Variants in KSR1 observed in about 807,000 individuals in gnomAD.
KSR1 encodes kinase suppressor of ras.
In KSR1, 35 loss-of-function variants were observed where a neutral mutation model predicts 92.9. The ratio of observed to expected loss-of-function variants is 0.38; its 90% CI spans 0.29 to 0.50. The LOEUF (loss-of-function observed/expected upper bound fraction) is 0.50. Ranked by LOEUF, KSR1 falls within the 20% of genes least tolerant of loss-of-function variation. The pLI is 0.94. For missense variants in KSR1, 972 were observed against 1,158.5 expected (o/e 0.84, Z 2.34); for synonymous variants, 467 against 472.6 (o/e 0.99, Z 0.15).
intron 1 of KSR1, 71 bp from the exon 2 acceptor site, chr17:27,550,497 A>C: frequency 1.3e-6 from 1 of 748,920 alleles, no homozygotes; most frequent in South Asian, 1.4e-5. Flanking sequence ...GCTCCTCTGT[A>C]GTGTGCTTGG....
intron 1 of KSR1, among the ~76,000 whole-genome samples, chr17:27,521,929 T>G (rs1231936097): frequency 6.6e-6 from 1 of 152,206 alleles, no homozygotes. Context: ...CTTAGTTAGG[T>G]TTACTTTCTC....
intron 9 of KSR1, among the ~76,000 whole-genome samples, chr17:27,595,460 T>C (rs2073308041): frequency 6.6e-6 from 1 of 152,210 alleles, no homozygotes; most frequent in Non-Finnish European, 1.5e-5. Context: ...ATTTTTGTGG[T>C]TGAGGAAATG....
At chr17:27,562,289 T>G (rs2071864387) in intron 2 of KSR1, among the ~76,000 whole-genome samples, 1 of 152,248 alleles carries the variant, frequency 6.6e-6, no homozygotes, top group Non-Finnish European at 1.5e-5. Context: ...TGGTGGGTTT[T>G]CTTGTTGAAT....
intron 1 of KSR1, among the ~76,000 whole-genome samples, chr17:27,490,735 C>T (rs113034512): frequency 0.034 from 5,142 of 152,200 alleles, 275 homozygotes; most frequent in African/African-American, 0.12. Flanking sequence ...CTGTAAATTA[C>T]CATCATTATT....
At chr17:27,477,156 G>A (rs1270186870) in intron 1 of KSR1, among the ~76,000 whole-genome samples, 1 of 152,186 alleles carries the variant, frequency 6.6e-6, no homozygotes, top group Non-Finnish European at 1.5e-5. Context: ...GGTCACTCTT[G>A]TGGCCATTTT....
chr17:27,611,441 T>A lies in KSR1; in HGVS notation c.2358-53T>A, dbSNP rs114855090. On this transcript the variant is annotated intron_variant, in intron 17 of 20. Transcript: ENST00000644974. ...GGCTATGGCTCAAGGGCCCCTGGGC[T>A]TGAGCTGGGCACAGCGGCCCAGGAG... 40 of 1,611,474 alleles carry A rather than the reference T, an allele frequency of 2.5e-5. 1 individual carries two copies. The highest frequency in any genetic ancestry group is 3.2e-5 in the Non-Finnish European group (38 of 1,178,374).
intron 2 of KSR1, chr17:27,560,264 G>T: frequency 2.5e-6 from 1 of 399,258 alleles, no homozygotes; most frequent in South Asian, 1.9e-5. Context: ...CTGCTGGCAT[G>T]GAGCCATTTT....
chr17:27,505,573 T>C (rs2069350025), intron 1 of KSR1, among the ~76,000 whole-genome samples: 1 of 94,278 alleles, frequency 1.1e-5, no homozygotes, highest in African/African-American at 3.9e-5. Context: ...TCCCTGGCTG[T>C]GTGGTCTTGA....
At chr17:27,532,039 G>C (rs2008013) in intron 1 of KSR1, among the ~76,000 whole-genome samples, 62,439 of 152,032 alleles carry the variant, frequency 0.41, 13,507 homozygotes, top group African/African-American at 0.54. Flanking sequence ...CTTTGTGTGA[G>C]TTTGACTAAG....
At chr17:27,587,780 G>A (rs2073022783) in intron 5 of KSR1, 2 of 152,346 alleles carry the variant, frequency 1.3e-5, no homozygotes, top group Admixed American at 1.3e-4. Flanking sequence ...GCTGGGAGAG[G>A]GAACGTCCTC....
chr17:27,577,329 A>G lies in KSR1; in HGVS notation c.373-163A>G, dbSNP rs886593935. The stretch of plus-strand genomic sequence containing the variant: ...TCTGGGAGCCTGGAGGGTGGGGGCC[A>G]GGGAGCTCTGCTTGTGTCCCCAAGC... On this transcript the variant is annotated intron_variant, in intron 2 of 20. Coordinates refer to ENST00000644974, the MANE Select transcript of KSR1 (RefSeq NM_001394583.1). This position sits in a 1 kb window ranked among gnomAD's most constrained non-coding sequence, Gnocchi z 4.5. 1 of 578,676 alleles carries G rather than the reference A, an allele frequency of 1.7e-6. No homozygotes were observed. The highest frequency in any genetic ancestry group is 3.1e-5 in the East Asian group (1 of 32,658). The allele number at this position is 578,676 out of a possible 1,614,324, so 35.8% of individuals were successfully genotyped here. A position where few individuals can be genotyped will look rare whatever the true frequency, so the allele number is the denominator to read the frequency against.
At chr17:27,620,135 G>A (rs2074184327) in intron 19 of KSR1, among the ~76,000 whole-genome samples, 1 of 152,240 alleles carries the variant, frequency 6.6e-6, no homozygotes, top group Non-Finnish European at 1.5e-5. Context: ...GTAGAGGGAT[G>A]GTCTGGAGGA....
chr17:27,585,980 G>A lies in KSR1; in HGVS notation c.985+319G>A, dbSNP rs1406311184. 3 of 394,994 alleles carry A rather than the reference G, an allele frequency of 7.6e-6. No homozygotes were observed. The East Asian group carries it at 1.4e-4, about 18-fold the overall frequency. 24.5% of individuals were successfully genotyped at this position (394,994 alleles called of 1,614,324 possible). Reference sequence around the variant, plus strand: ...CCGAGACTCTCCAGCAGGGACTCTGGCCTGCTGGGCTGCCACGGTAAAGCA... The same window carrying A: ...CCGAGACTCTCCAGCAGGGACTCTGACCTGCTGGGCTGCCACGGTAAAGCA... On this transcript the variant is annotated intron_variant, in intron 5 of 20. Coordinates refer to ENST00000644974, the MANE Select transcript of KSR1 (RefSeq NM_001394583.1).
intron 1 of KSR1, among the ~76,000 whole-genome samples, chr17:27,477,986 G>C (rs1233067117): frequency 6.6e-6 from 1 of 152,136 alleles, no homozygotes; most frequent in Non-Finnish European, 1.5e-5. Context: ...CAAAGTGCTG[G>C]GATTACAAGG....
At chr17:27,468,397 G>A (rs1567738402) in intron 1 of KSR1, among the ~76,000 whole-genome samples, 1 of 151,996 alleles carries the variant, frequency 6.6e-6, no homozygotes, top group Non-Finnish European at 1.5e-5. Context: ...CACCATGCCT[G>A]GCTAATTTTC....
chr17:27,623,149 C>T (rs2241906), intron 20 of KSR1, 165 bp from the exon 21 acceptor site: 144,384 of 647,430 alleles, frequency 0.22, 16,735 homozygotes, highest in Admixed American at 0.3. Flanking sequence ...AGGCCTTGGA[C>T]GCAGTATGAC....
chr17:27,536,899 A>G (rs2070771809), intron 1 of KSR1, among the ~76,000 whole-genome samples: 1 of 152,186 alleles, frequency 6.6e-6, no homozygotes, highest in Non-Finnish European at 1.5e-5. Flanking sequence ...TCAAGGGGAG[A>G]GGAAATAGAC....
chr17:27,569,455 G>T (rs1025339760), intron 2 of KSR1, among the ~76,000 whole-genome samples: 1 of 152,222 alleles, frequency 6.6e-6, no homozygotes, highest in Admixed American at 6.5e-5. Context: ...AGGAGGAGGA[G>T]CCAGGCCCAG....
intron 14 of KSR1, among the ~76,000 whole-genome samples, chr17:27,606,974 G>A (rs1240243867): frequency 6.6e-6 from 1 of 152,048 alleles, no homozygotes; most frequent in Non-Finnish European, 1.5e-5. Flanking sequence ...TGGGATTACA[G>A]CCGTGTGCCA....
Sources: allele counts gnomAD v4.1 joint callset (sites outside exome capture counted in the v4.1 genomes callset), GRCh38; gene constraint gnomAD v4.1.1; non-coding constraint Gnocchi (gnomAD v3.1); transcripts MANE v1.5; gene names NCBI Gene and HGNC (gene_info 2026-07-23, HGNC 2026-07-21).